Variants in RTN1 observed in about 807,000 individuals in gnomAD.
The protein encoded by RTN1 is reticulon 1.
Under a neutral mutation model 65.5 loss-of-function variants are expected in RTN1, and 25 were observed. The observed-to-expected ratio is 0.38, with a 90% CI of 0.28 to 0.53. The LOEUF (loss-of-function observed/expected upper bound fraction) is 0.53, where lower values mean the gene tolerates loss of function less well. RTN1 is among the 20% of genes least tolerant of loss of function. The probability of loss-of-function intolerance (pLI) is 0.79; values close to 1 mark genes in which losing one functional copy is unlikely to be tolerated. For missense variants in RTN1, 983 were observed against 1,025.4 expected (o/e 0.96, Z 0.57); for synonymous variants, 471 against 447.6 (o/e 1.05, Z -0.66).
At chr14:59,681,256 G>T (rs1883739474) in intron 3 of RTN1, among the ~76,000 whole-genome samples, 1 of 151,984 alleles carries the variant, frequency 6.6e-6, no homozygotes, top group Non-Finnish European at 1.5e-5. Context: ...TCTTAATTTA[G>T]ACATATGAAC....
At chr14:59,667,190 C>G (rs1370818948) in intron 3 of RTN1, among the ~76,000 whole-genome samples, 1 of 152,074 alleles carries the variant, frequency 6.6e-6, no homozygotes, top group African/African-American at 2.4e-5. Flanking sequence ...CCCTGATGAA[C>G]ATCAATGTGA....
At chr14:59,661,259 C>CAAAAAAAA (rs768483248) in intron 3 of RTN1, among the ~76,000 whole-genome samples, 4 of 83,376 alleles carry the variant, frequency 4.8e-5, no homozygotes, top group African/African-American at 2.0e-4. Context: ...GCCTACCAAC[C>CAAAAAAAA]AAAAAAAAAA....
At chr14:59,706,086 A>G (rs1015134432) in intron 3 of RTN1, among the ~76,000 whole-genome samples, 1 of 152,180 alleles carries the variant, frequency 6.6e-6, no homozygotes, top group Non-Finnish European at 1.5e-5. Context: ...TTAACTCATA[A>G]AGCAGGAGAG....
chr14:59,624,759 G>C (rs1882348222), intron 3 of RTN1, among the ~76,000 whole-genome samples: 1 of 152,158 alleles, frequency 6.6e-6, no homozygotes, highest in Non-Finnish European at 1.5e-5. Context: ...AACTGTGCCT[G>C]GCCTGTACTT....
intron 3 of RTN1, among the ~76,000 whole-genome samples, chr14:59,723,004 C>T (rs1049061964): frequency 2.6e-5 from 4 of 151,878 alleles, no homozygotes; most frequent in East Asian, 3.9e-4. Flanking sequence ...CATCATGTTG[C>T]GTAGTCTGGT....
intron 1 of RTN1, among the ~76,000 whole-genome samples, chr14:59,822,483 A>G (rs1400763324): frequency 2.0e-5 from 3 of 152,108 alleles, no homozygotes; most frequent in South Asian, 2.1e-4. Context: ...CTGTTCTTTT[A>G]TATGGATTTT....
At chr14:59,719,059 C>T (rs1037027204) in intron 3 of RTN1, among the ~76,000 whole-genome samples, 1 of 152,166 alleles carries the variant, frequency 6.6e-6, no homozygotes, top group African/African-American at 2.4e-5. Context: ...AACTCTTTCT[C>T]CCTACAGCAG....
chr14:59,779,208 A>G, intron 1 of RTN1, among the ~76,000 whole-genome samples: 1 of 152,118 alleles, frequency 6.6e-6, no homozygotes, highest in East Asian at 1.9e-4. Context: ...ATTGAGTGTG[A>G]AAGCTGAGAG....
chr14:59,771,044 C>CAAAA (rs113697863), intron 1 of RTN1, among the ~76,000 whole-genome samples: 1 of 115,200 alleles, frequency 8.7e-6, no homozygotes, highest in Non-Finnish European at 1.9e-5. Flanking sequence ...GACTCCGTCT[C>CAAAA]AAAAAAAAAA....
intron 1 of RTN1, among the ~76,000 whole-genome samples, chr14:59,785,448 A>G (rs1049553403): frequency 1.3e-5 from 2 of 152,238 alleles, no homozygotes; most frequent in African/African-American, 4.8e-5. Flanking sequence ...CCAGATCTGA[A>G]TGCCAAGGTA....
chr14:59,669,791 A>G (rs1013254996), intron 3 of RTN1, among the ~76,000 whole-genome samples: 2 of 152,066 alleles, frequency 1.3e-5, no homozygotes, highest in Non-Finnish European at 2.9e-5. Flanking sequence ...TAAGGTTCAC[A>G]CTGCCGATGA....
intron 3 of RTN1, among the ~76,000 whole-genome samples, chr14:59,608,825 A>G (rs868846311): frequency 1.3e-5 from 2 of 152,134 alleles, no homozygotes; most frequent in South Asian, 4.1e-4. Context: ...AGAGGCTCAC[A>G]AGCATGTTTT....
At chr14:59,634,629 T>C (rs1882624773) in intron 3 of RTN1, among the ~76,000 whole-genome samples, 1 of 152,168 alleles carries the variant, frequency 6.6e-6, no homozygotes, top group African/African-American at 2.4e-5. Context: ...AGGACCTGTC[T>C]CCATAAATAC....
intron 4 of RTN1, 113 bp downstream of exon 4, chr14:59,607,172 G>A: frequency 1.2e-6 from 1 of 844,010 alleles, no homozygotes; most frequent in South Asian, 1.6e-5. Context: ...GAGACTCTAA[G>A]AGGTCTGTTG....
intron 1 of RTN1, among the ~76,000 whole-genome samples, chr14:59,821,540 C>T (rs1886944638): frequency 6.6e-6 from 1 of 152,108 alleles, no homozygotes; most frequent in Admixed American, 6.5e-5. Flanking sequence ...GGTAGGACTT[C>T]CAATAGTATG....
intron 3 of RTN1, among the ~76,000 whole-genome samples, chr14:59,699,120 C>G (rs1884125607): frequency 6.6e-6 from 1 of 152,106 alleles, no homozygotes; most frequent in Non-Finnish European, 1.5e-5. Flanking sequence ...AACTGCTGCA[C>G]TTTTCTATAT....
At chr14:59,693,606 A>G (rs572077128) in intron 3 of RTN1, among the ~76,000 whole-genome samples, 16 of 152,292 alleles carry the variant, frequency 1.1e-4, no homozygotes, top group African/African-American at 3.9e-4. Flanking sequence ...AGAATATACA[A>G]TGTTTGGTTT....
chr14:59,777,134 CAGA>C (rs1886066784), intron 1 of RTN1, among the ~76,000 whole-genome samples: 1 of 152,114 alleles, frequency 6.6e-6, no homozygotes, highest in Admixed American at 6.5e-5. Context: ...GGCTGTACTG[CAGA>C]AGAGTAAGAG....
chr14:59,678,124 T>A, intron 3 of RTN1, among the ~76,000 whole-genome samples: 1 of 152,178 alleles, frequency 6.6e-6, no homozygotes. Context: ...GGGCGTCATA[T>A]AAACCCTGGA....
Sources: gnomAD v4.1 joint callset for allele counts (sites outside exome capture counted in the v4.1 genomes callset) on GRCh38, gnomAD v4.1.1 for gene constraint, MANE v1.5 for transcripts, NCBI Gene and HGNC (gene_info 2026-07-23, HGNC 2026-07-21) for gene names.